Variants in API5 observed in about 807,000 individuals in gnomAD.
The protein encoded by API5 is apoptosis inhibitor 5.
A neutral mutation model predicts 71.9 loss-of-function variants in API5; 6 were observed. The ratio of observed to expected loss-of-function variants is 0.08; its 90% CI spans 0.05 to 0.16. The LOEUF (loss-of-function observed/expected upper bound fraction) is 0.16. Among genes scored for constraint, API5 ranks in the 10% least tolerant of loss-of-function variants. The pLI, the probability that API5 is intolerant of heterozygous loss-of-function variation, is 1.00. For synonymous variants in API5, 189 were observed against 221.3 expected (o/e 0.85, Z 1.30); for missense variants, 332 against 612.8 (o/e 0.54, Z 4.84).
intron 1 of API5, among the ~76,000 whole-genome samples, chr11:43,315,184 C>G (rs541473241): frequency 3.3e-5 from 5 of 152,166 alleles, no homozygotes; most frequent in Non-Finnish European, 7.3e-5. Context: ...GTCAATACTC[C>G]TTTCAGAGTA....
chr11:43,330,475 G>T (rs1269104497), intron 10 of API5, 33 bp from the exon 11 acceptor site: 1 of 1,470,800 alleles, frequency 6.8e-7, no homozygotes, highest in Non-Finnish European at 9.5e-7. Flanking sequence ...GAAGTTATTG[G>T]CAATTTGTCT....
At position 43,317,381 on chromosome 11, in the gene API5, A is replaced by AT. The variant is rs895082028; in HGVS notation, c.70-1248dup. ...GAGTATTTGAGGGAGAGCACCTGTG[A>AT]TTTTTTTTTTTAAGGAAACATGAGC... On this transcript the variant is annotated intron_variant, in intron 1 of 13. Transcript: ENST00000531273. 3.2e-3 allele frequency among the ~76,000 whole-genome samples: 473 copies of AT among 147,636 alleles called. 4 individuals carry two copies. In the East Asian group the frequency reaches 0.041, roughly 13 times the overall value.
rs1854484784 is a variant in API5, at chr11:43,312,015, G to T, written c.-113G>T. ...TGCGCGGTGACTGGCGGCTGCACTG[G>T]CGGCAGCTGGAGGTGTAATAGTGCG... is the stretch of plus-strand genomic sequence containing the variant. On this transcript the variant is annotated 5_prime_UTR_variant, in exon 1 of 14. Coordinates refer to ENST00000531273, the MANE Select transcript of API5 (RefSeq NM_001142930.2). 1.7e-6 allele frequency: 2 copies of T among 1,207,264 alleles called. No individual in the cohort carries two copies. Among genetic ancestry groups the T allele is most frequent in the South Asian group, 1.4e-5 (1 of 72,380 alleles). 74.8% of individuals were successfully genotyped at this position (1,207,264 alleles called of 1,614,324 possible).
intron 2 of API5, 104 bp downstream of exon 2, chr11:43,318,905 C>G (rs1308608636): frequency 5.8e-6 from 7 of 1,201,126 alleles, no homozygotes; most frequent in Non-Finnish European, 7.0e-6. Flanking sequence ...CAATAAAATA[C>G]TATGGTATGG....
intron 10 of API5, 78 bp from the exon 11 acceptor site, chr11:43,330,426 ATTAC>A: frequency 1.0e-6 from 1 of 1,002,354 alleles, no homozygotes; most frequent in Non-Finnish European, 1.6e-6. Flanking sequence ...TAGAAGTGTA[ATTAC>A]TCTAGTTCTA....
At chr11:43,315,944 T>TA (rs1489707232) in intron 1 of API5, among the ~76,000 whole-genome samples, 2 of 152,198 alleles carry the variant, frequency 1.3e-5, no homozygotes, top group African/African-American at 4.8e-5. Flanking sequence ...GTCAAAATCT[T>TA]AAAAGTTAAA....
intron 8 of API5, 107 bp downstream of exon 8, chr11:43,327,985 C>A: frequency 1.7e-6 from 1 of 605,166 alleles, no homozygotes; most frequent in Non-Finnish European, 2.7e-6. Flanking sequence ...TTCAATTAAA[C>A]AATAATCCTA....
chr11:43,343,918 C>T lies in API5; in HGVS notation c.*1408C>T, dbSNP rs574754979. 3 of 152,672 alleles carry T rather than the reference C, an allele frequency of 2.0e-5. No individual in the cohort carries two copies. The South Asian group carries it at 6.2e-4, about 32-fold the overall frequency. The allele number at this position is 152,672 out of a possible 1,614,324, so 9.5% of individuals were successfully genotyped here. A position where few individuals can be genotyped will look rare whatever the true frequency, so the allele number is the denominator to read the frequency against. On this transcript the variant is annotated 3_prime_UTR_variant, in exon 14 of 14. Coordinates refer to ENST00000531273, the MANE Select transcript of API5 (RefSeq NM_001142930.2). ...AATGCAGGTGTCTTCATTACCATTA[C>T]CTCTACACTGCAGAAGAAGCAAAAC... is the stretch of plus-strand genomic sequence containing the variant.
chr11:43,333,210 C>T (rs554676575), intron 11 of API5, among the ~76,000 whole-genome samples: 5 of 152,278 alleles, frequency 3.3e-5, no homozygotes, highest in African/African-American at 1.2e-4. Flanking sequence ...CAGATTAACC[C>T]TCATTAAATG....
chr11:43,312,190 G>T lies in API5; in HGVS notation c.63G>T (p.Val21=), dbSNP rs1854495716. ...TCCTGGCCGATGCCACGGAGCAAGT[G>T]GGCCAGGTGAGTTGAGTCCCCGGGC... The part of the protein sequence containing the change: ...YGILADATEQ[V]GQHKDAYQVI... The change falls in exon 1 of 14, where the codon GTG becomes GTT. Residue 21 remains valine (V), a synonymous_variant. Transcript: ENST00000531273. 6.2e-7 allele frequency: 1 copy of T among 1,613,712 alleles called. No homozygotes were observed. Among genetic ancestry groups the T allele is most frequent in the Non-Finnish European group, 8.5e-7 (1 of 1,179,836 alleles).
At chr11:43,319,287 T>G (rs1004077123) in intron 2 of API5, among the ~76,000 whole-genome samples, 1 of 152,144 alleles carries the variant, frequency 6.6e-6, no homozygotes, top group Non-Finnish European at 1.5e-5. Context: ...TTTGGGGGGT[T>G]TTTTGGAACA....
intron 11 of API5, among the ~76,000 whole-genome samples, chr11:43,334,933 T>C (rs1184879356): frequency 6.6e-6 from 1 of 152,186 alleles, no homozygotes. Context: ...TGTATTTTCC[T>C]TAAAGCACCA....
chr11:43,322,135 A>G lies in API5; in HGVS notation c.542A>G (p.Lys181Arg), dbSNP rs1403576567. The G allele has an allele frequency of 3.1e-6, 5 of 1,596,168 alleles. No homozygotes were observed. The highest frequency in any genetic ancestry group is 4.3e-6 in the Non-Finnish European group (5 of 1,173,556). Reference protein sequence around the residue: ...VEELILTESKKVLEDVTGEEF... With the variant: ...VEELILTESKRVLEDVTGEEF... The stretch of plus-strand genomic sequence containing the variant: ...GAGCTTATACTAACTGAATCCAAAA[A>G]GGTGAGCTTTGGTCTTCATTTGGTG... The change falls in exon 5 of 14, where the codon AAG (lysine) becomes AGG (arginine). Residue 181 changes from lysine to arginine, a missense_variant and splice_region_variant. By Grantham distance (26) the Lys-to-Arg change is conservative (BLOSUM62 2). Coordinates refer to ENST00000531273, the MANE Select transcript of API5 (RefSeq NM_001142930.2).
Position 43,330,458 on chromosome 11 carries a change from C to T in API5, c.1222-50C>T, listed in dbSNP as rs115064362. 579 of 1,249,838 alleles carry T rather than the reference C, an allele frequency of 4.6e-4. 3 individuals carry two copies. In the African/African-American group the frequency reaches 7.7e-3, roughly 17 times the overall value. The allele number at this position is 1,249,838 out of a possible 1,614,324, so 77.4% of individuals were successfully genotyped here. A position where few individuals can be genotyped will look rare whatever the true frequency, so the allele number is the denominator to read the frequency against. The stretch of plus-strand genomic sequence containing the variant: ...TAGTTCTATGACAGAATGGATTATG[C>T]CTCATAGAAGTTATTGGCAATTTGT... On this transcript the variant is annotated intron_variant, in intron 10 of 13. Coordinates refer to ENST00000531273, the MANE Select transcript of API5 (RefSeq NM_001142930.2).
At chr11:43,320,737 A>G (rs1015121743) in intron 2 of API5, 84 bp from the exon 3 acceptor site, 1 of 1,255,574 alleles carries the variant, frequency 8.0e-7, no homozygotes, top group East Asian at 2.3e-5. Context: ...TCTTTAAAAA[A>G]AAAAAAAAGA....
In API5 at chr11:43,335,906, A is replaced by G. The variant is rs762201887; in HGVS notation, c.1404A>G (p.Lys468=). 2.5e-6 allele frequency: 4 copies of G among 1,613,742 alleles called. No individual in the cohort carries two copies. Among genetic ancestry groups the G allele is most frequent in the South Asian group, 1.1e-5 (1 of 90,958 alleles). ...EDTTSGSPPK[K]SSAGPKRDAR... The stretch of plus-strand genomic sequence containing the variant: ...CAACTTCAGGTTCACCACCCAAGAA[A>G]TCTTCAGCAGGACCAAAAAGAGATG... Residue 468 remains lysine, a synonymous_variant, in exon 13 of 14, where the codon AAA becomes AAG. Transcript: ENST00000531273.
intron 11 of API5, among the ~76,000 whole-genome samples, chr11:43,334,429 G>A (rs1329025958): frequency 6.6e-6 from 1 of 152,036 alleles, no homozygotes; most frequent in Non-Finnish European, 1.5e-5. Flanking sequence ...TTCAAAGCAT[G>A]TTGCATTGGC....
intron 11 of API5, among the ~76,000 whole-genome samples, chr11:43,334,200 C>T (rs1422708563): frequency 6.6e-6 from 1 of 152,122 alleles, no homozygotes; most frequent in East Asian, 1.9e-4. Context: ...CCATCCTTGA[C>T]ATTTCTTGCA....
chr11:43,330,549 C>G lies in API5; in HGVS notation c.1263C>G (p.Ile421Met). 1 of 1,595,242 alleles carries G rather than the reference C, an allele frequency of 6.3e-7. No homozygotes were observed. The highest frequency in any genetic ancestry group is 8.6e-7 in the Non-Finnish European group (1 of 1,163,880). ...TTGCATTGAAAATAACAAACAATAT[C>G]AATGTTTTAATCAAGGTAAGTCTGT... Reference protein sequence around the residue: ...KVVALKITNNINVLIKDLFHI... With the variant: ...KVVALKITNNMNVLIKDLFHI... The change falls in exon 11 of 14, where the codon ATC becomes ATG. Residue 421 changes from isoleucine to methionine, a missense_variant. Physicochemically the swap from Ile to Met is conservative, Grantham distance 10 (BLOSUM62 1). Coordinates refer to ENST00000531273, the MANE Select transcript of API5 (RefSeq NM_001142930.2).
Sources: gnomAD v4.1 joint callset for allele counts (sites outside exome capture counted in the v4.1 genomes callset) on GRCh38, gnomAD v4.1.1 for gene constraint, MANE v1.5 for transcripts, NCBI Gene and HGNC (gene_info 2026-07-23, HGNC 2026-07-21) for gene names.